ERC2: variants seen among roughly 807,000 people sequenced by gnomAD.
ERC2 encodes ERC protein 2.
ERC2 carries 42 observed loss-of-function variants against 114.8 expected under a neutral mutation model. The ratio of observed to expected loss-of-function variants is 0.37; its 90% CI spans 0.29 to 0.47. The LOEUF is 0.47. ERC2 is among the 20% of genes least tolerant of loss of function. The pLI is 0.99. For missense variants in ERC2, 939 were observed against 1,150.7 expected (o/e 0.82, Z 2.66); for synonymous variants, 454 against 425.5 (o/e 1.07, Z -0.82).
At chr3:56,171,996 A>C (rs1025296740) in intron 4 of ERC2, among the ~76,000 whole-genome samples, 5 of 149,780 alleles carry the variant, frequency 3.3e-5, no homozygotes, top group South Asian at 2.1e-4. Flanking sequence ...AAAAAAAAAA[A>C]CAAGTCTTTT....
intron 8 of ERC2, among the ~76,000 whole-genome samples, chr3:56,013,033 T>A (rs1160789657): frequency 6.6e-6 from 1 of 152,208 alleles, no homozygotes; most frequent in South Asian, 2.1e-4. Context: ...TTATCTGCTA[T>A]GTGGCTACAG....
At chr3:55,589,739 C>A (rs1272426259) in intron 17 of ERC2, among the ~76,000 whole-genome samples, 1 of 151,918 alleles carries the variant, frequency 6.6e-6, no homozygotes, top group South Asian at 2.1e-4. Context: ...CAGCAGGAGA[C>A]AGGGCTCATG....
chr3:56,022,718 T>C (rs535559530), intron 7 of ERC2, among the ~76,000 whole-genome samples: 257 of 152,142 alleles, frequency 1.7e-3, no homozygotes, highest in South Asian at 3.1e-3. Context: ...TGGGAAGCCT[T>C]GGGGGTGGAA....
intron 4 of ERC2, among the ~76,000 whole-genome samples, chr3:56,159,187 C>T (rs2081916326): frequency 6.6e-6 from 1 of 152,120 alleles, no homozygotes; most frequent in African/African-American, 2.4e-5. Flanking sequence ...GAGGCCTCCT[C>T]AGAAGCCAAG....
chr3:55,581,354 G>C (rs2057252114), intron 17 of ERC2, among the ~76,000 whole-genome samples: 1 of 152,164 alleles, frequency 6.6e-6, no homozygotes, highest in Non-Finnish European at 1.5e-5. Context: ...GAGACATCTG[G>C]GGGTCATCCC....
chr3:55,618,285 G>A (rs2059201222), intron 17 of ERC2, among the ~76,000 whole-genome samples: 2 of 152,100 alleles, frequency 1.3e-5, no homozygotes, highest in Non-Finnish European at 2.9e-5. Flanking sequence ...TGCCATTCAA[G>A]GCATTAAAGC....
intron 17 of ERC2, among the ~76,000 whole-genome samples, chr3:55,659,595 C>G (rs1247376961): frequency 1.3e-5 from 2 of 152,126 alleles, no homozygotes; most frequent in Non-Finnish European, 2.9e-5. Context: ...TTCTAAAGCA[C>G]CCACATCCGT....
chr3:55,817,869 T>C (rs78292832), intron 14 of ERC2, among the ~76,000 whole-genome samples: 4,563 of 152,264 alleles, frequency 0.03, 252 homozygotes, highest in African/African-American at 0.1. Flanking sequence ...ATCATCTTAT[T>C]ATTTTCTGTA....
intron 14 of ERC2, among the ~76,000 whole-genome samples, chr3:55,738,192 T>C (rs891452977): frequency 1.3e-5 from 2 of 152,168 alleles, no homozygotes; most frequent in East Asian, 1.9e-4. Context: ...GTAGGGAAGA[T>C]CTCAGACCCT....
intron 2 of ERC2, among the ~76,000 whole-genome samples, chr3:56,345,406 A>AAGTT (rs1350320020): frequency 6.6e-6 from 1 of 152,194 alleles, no homozygotes; most frequent in Non-Finnish European, 1.5e-5. Flanking sequence ...CTACCCAGAG[A>AAGTT]AGTTGCAGGG....
In ERC2 at chr3:56,139,496, G is replaced by C. The variant is rs200061331; in HGVS notation, c.1473+13C>G. 2.0e-4 allele frequency: 319 copies of C among 1,603,386 alleles called. No homozygotes were observed. The East Asian group carries it at 6.7e-3, about 34-fold the overall frequency. ...ATGTCTCTGCTGTCTAGAATCCTGA[G>C]AGAGTGCCTTACCTCAGTCTGAAGG... is the stretch of plus-strand genomic sequence containing the variant. On this transcript the variant is annotated intron_variant, in intron 6 of 17. Coordinates refer to ENST00000288221, the MANE Select transcript of ERC2 (RefSeq NM_015576.3).
chr3:55,810,465 C>CTTTTTTTTTTTTTTTTTTTTTTTTTTT (rs11318195), intron 14 of ERC2, among the ~76,000 whole-genome samples: 1 of 146,424 alleles, frequency 6.8e-6, no homozygotes, highest in Non-Finnish European at 1.5e-5. Context: ...CTCTCTCCCT[C>CTTTTTTTTTTTTTTTTTTTTTTTTTTT]TTTTTTTTTT....
intron 14 of ERC2, among the ~76,000 whole-genome samples, chr3:55,790,065 C>T (rs1456771863): frequency 6.6e-6 from 1 of 152,180 alleles, no homozygotes; most frequent in Non-Finnish European, 1.5e-5. Context: ...CTCCCCCAAA[C>T]ATGAACCTGA....
At chr3:55,625,684 G>T (rs2059494191) in intron 17 of ERC2, among the ~76,000 whole-genome samples, 1 of 152,124 alleles carries the variant, frequency 6.6e-6, no homozygotes, top group African/African-American at 2.4e-5. Context: ...CTGGGAGGCG[G>T]AGTTTGCAGT....
At chr3:55,663,953 G>A (rs1367279387) in intron 17 of ERC2, among the ~76,000 whole-genome samples, 3 of 152,072 alleles carry the variant, frequency 2.0e-5, no homozygotes, top group Non-Finnish European at 2.9e-5. Context: ...TGTAAACTAC[G>A]CGCTTGTTTG....
At chr3:55,867,603 T>C (rs1356812531) in intron 14 of ERC2, among the ~76,000 whole-genome samples, 1 of 152,250 alleles carries the variant, frequency 6.6e-6, no homozygotes, top group Non-Finnish European at 1.5e-5. Context: ...GTGAAATGTA[T>C]GCATGAGAAA....
intron 6 of ERC2, among the ~76,000 whole-genome samples, chr3:56,130,265 T>TG (rs1367360202): frequency 6.6e-6 from 1 of 152,122 alleles, no homozygotes; most frequent in Non-Finnish European, 1.5e-5. Context: ...TCATTTGTGG[T>TG]GGGGGGACCC....
chr3:55,808,099 G>C (rs1310677645), intron 14 of ERC2, among the ~76,000 whole-genome samples: 1 of 152,104 alleles, frequency 6.6e-6, no homozygotes, highest in African/African-American at 2.4e-5. Flanking sequence ...TCTAAGTCTG[G>C]CTTCCTGACA....
intron 17 of ERC2, among the ~76,000 whole-genome samples, chr3:55,583,796 C>T (rs1267924212): frequency 1.3e-5 from 2 of 151,726 alleles, no homozygotes; most frequent in Non-Finnish European, 2.9e-5. Context: ...CGAGAGCTCA[C>T]TGAGTTGCTT....
Sources: allele counts gnomAD v4.1 joint callset (sites outside exome capture counted in the v4.1 genomes callset), GRCh38; gene constraint gnomAD v4.1.1; transcripts MANE v1.5; gene names NCBI Gene and HGNC (gene_info 2026-07-23, HGNC 2026-07-21).